Variants in CCDC91 observed in about 807,000 individuals in gnomAD.
The protein encoded by CCDC91 is coiled-coil domain containing 91.
A neutral mutation model predicts 63.2 loss-of-function variants in CCDC91; 48 were observed. That is an observed-to-expected ratio of 0.76 (90% CI 0.60 to 0.97). CCDC91 has a LOEUF of 0.97. CCDC91 is among the 50% of genes least tolerant of loss of function. CCDC91 has a pLI of 0.00. For missense variants in CCDC91, 500 were observed against 494.6 expected (o/e 1.01, Z -0.10); for synonymous variants, 167 against 165.8 (o/e 1.01, Z -0.06).
intron 6 of CCDC91, among the ~76,000 whole-genome samples, chr12:28,352,921 C>CTT (rs1943276709): frequency 6.6e-6 from 1 of 152,216 alleles, no homozygotes; most frequent in Admixed American, 6.5e-5. Flanking sequence ...AACTTTGAAG[C>CTT]CAGTCATTGA....
chr12:28,491,861 T>TTGTGTGTG (rs35451448), intron 12 of CCDC91, among the ~76,000 whole-genome samples: 19 of 145,260 alleles, frequency 1.3e-4, no homozygotes, highest in East Asian at 4.1e-4. Context: ...GTCAAAAATT[T>TTGTGTGTG]TGTGTGTGTG....
At chr12:28,473,840 C>T (rs1212837478) in intron 11 of CCDC91, among the ~76,000 whole-genome samples, 1 of 152,106 alleles carries the variant, frequency 6.6e-6, no homozygotes, top group Non-Finnish European at 1.5e-5. Flanking sequence ...TTTCTTCCCC[C>T]TCAGGAGAAC....
At chr12:28,276,121 C>A (rs1362429275) in intron 3 of CCDC91, among the ~76,000 whole-genome samples, 1 of 151,926 alleles carries the variant, frequency 6.6e-6, no homozygotes, top group Non-Finnish European at 1.5e-5. Context: ...GATCCATGAC[C>A]TATGTAAGTA....
In CCDC91 at chr12:28,482,160, A is replaced by G. The variant is rs571711510; in HGVS notation, c.1102-1892A>G. The stretch of plus-strand genomic sequence containing the variant: ...TTCACTACAGAAGTATTAACATGTT[A>G]TATTTCAGAGAGCTTAGTATGTATG... On this transcript the variant is annotated intron_variant, in intron 11 of 12. Coordinates refer to ENST00000536442, the MANE Select transcript of CCDC91 (RefSeq NM_018318.5). Among the ~76,000 whole-genome samples, 16 of 152,076 alleles carry G rather than the reference A, an allele frequency of 1.1e-4. No homozygotes were observed. The East Asian group carries it at 3.1e-3, about 29-fold the overall frequency.
At chr12:28,485,228 C>T (rs1327902752) in intron 12 of CCDC91, among the ~76,000 whole-genome samples, 5 of 151,582 alleles carry the variant, frequency 3.3e-5, no homozygotes, top group Non-Finnish European at 7.4e-5. Context: ...GCGCGATCTC[C>T]GCTCACTGTA....
intron 1 of CCDC91, among the ~76,000 whole-genome samples, chr12:28,225,584 T>G (rs2135734336): frequency 1.3e-5 from 2 of 151,972 alleles, no homozygotes; most frequent in African/African-American, 4.8e-5. Context: ...CGGAGTAGAG[T>G]GGCTTGGATT....
At chr12:28,252,543 A>G (rs796812552) in intron 1 of CCDC91, among the ~76,000 whole-genome samples, 15 of 151,544 alleles carry the variant, frequency 9.9e-5, no homozygotes, top group African/African-American at 3.4e-4. Flanking sequence ...GCAATTATAT[A>G]TTTTTATTTC....
intron 12 of CCDC91, among the ~76,000 whole-genome samples, chr12:28,521,558 C>T (rs1429811803): frequency 6.6e-6 from 1 of 152,094 alleles, no homozygotes; most frequent in Non-Finnish European, 1.5e-5. Flanking sequence ...ACTGAATACC[C>T]TTTATTTCTT....
Position 28,352,583 on chromosome 12 carries a change from G to A in CCDC91, c.577-9855G>A, listed in dbSNP as rs117620890. On this transcript the variant is annotated intron_variant, in intron 6 of 12. Transcript: ENST00000536442. ...CTAAGAAGCAACTCCTTATCTGTTC[G>A]AGTGTTATGTAATTGCAGCGTTCAG... Among the ~76,000 whole-genome samples, 5 of 152,234 alleles carry A rather than the reference G, an allele frequency of 3.3e-5. No individual in the cohort carries two copies. In the East Asian group the frequency reaches 7.7e-4, roughly 24 times the overall value.
At chr12:28,335,312 T>C (rs1941877044) in intron 6 of CCDC91, among the ~76,000 whole-genome samples, 1 of 132,834 alleles carries the variant, frequency 7.5e-6, no homozygotes, top group Non-Finnish European at 1.6e-5. Flanking sequence ...ATAATACATA[T>C]TATGTATAAT....
chr12:28,516,851 A>G (rs1940003966), intron 12 of CCDC91, among the ~76,000 whole-genome samples: 1 of 151,916 alleles, frequency 6.6e-6, no homozygotes, highest in Non-Finnish European at 1.5e-5. Context: ...CAGAGCCCTC[A>G]TGATAATCAC....
chr12:28,212,935 A>G (rs1460726023), intron 1 of CCDC91, among the ~76,000 whole-genome samples: 1 of 152,180 alleles, frequency 6.6e-6, no homozygotes, highest in Admixed American at 6.5e-5. Context: ...GTCTTCAAAG[A>G]CCTCACAGTC....
chr12:28,267,717 A>AC (rs1947301520), intron 3 of CCDC91, among the ~76,000 whole-genome samples: 2 of 98,258 alleles, frequency 2.0e-5, no homozygotes, highest in East Asian at 3.0e-4. Context: ...TTATATAATT[A>AC]TATATATTAT....
intron 1 of CCDC91, among the ~76,000 whole-genome samples, chr12:28,218,739 A>ATG (rs962488267): frequency 5.3e-5 from 8 of 150,056 alleles, no homozygotes; most frequent in Admixed American, 1.3e-4. Flanking sequence ...GTATGTATGT[A>ATG]TGTGTGTGTG....
chr12:28,310,511 T>A (rs3782515), intron 6 of CCDC91, among the ~76,000 whole-genome samples: 30,733 of 151,948 alleles, frequency 0.2, 4,009 homozygotes, highest in Non-Finnish European at 0.3. Context: ...TTTTAGGACC[T>A]ATAGGCTTCT....
chr12:28,407,098 G>A (rs1357142893), intron 8 of CCDC91, among the ~76,000 whole-genome samples: 2 of 152,008 alleles, frequency 1.3e-5, no homozygotes, highest in African/African-American at 2.4e-5. Flanking sequence ...CTCCCACCCC[G>A]TGTCTTGCTC....
intron 8 of CCDC91, among the ~76,000 whole-genome samples, chr12:28,421,892 T>G (rs4930823): frequency 0.41 from 61,572 of 151,844 alleles, 12,761 homozygotes; most frequent in Middle Eastern, 0.48. Context: ...GAACCCTGGC[T>G]GATACACTTT....
At chr12:28,328,019 TAATATA>T (rs1324103341) in intron 6 of CCDC91, among the ~76,000 whole-genome samples, 1 of 152,122 alleles carries the variant, frequency 6.6e-6, no homozygotes, top group Non-Finnish European at 1.5e-5. Flanking sequence ...ATATTCTTGG[TAATATA>T]GGGGCACTCT....
At chr12:28,387,940 T>C (rs1388532114) in intron 7 of CCDC91, among the ~76,000 whole-genome samples, 3 of 152,198 alleles carry the variant, frequency 2.0e-5, no homozygotes, top group Non-Finnish European at 2.9e-5. Flanking sequence ...ATTTCCACTT[T>C]TAGTTTTTTA....
Sources: gnomAD v4.1 joint callset for allele counts (sites outside exome capture counted in the v4.1 genomes callset) on GRCh38, gnomAD v4.1.1 for gene constraint, MANE v1.5 for transcripts, NCBI Gene and HGNC (gene_info 2026-07-23, HGNC 2026-07-21) for gene names.